Variants in BUB1B observed in about 807,000 individuals in gnomAD.
BUB1B encodes the protein BUB1 mitotic checkpoint serine/threonine kinase B, also known as mitotic checkpoint serine/threonine-protein kinase BUB1 beta.
BUB1B carries 86 observed loss-of-function variants against 137.7 expected under a neutral mutation model. The observed-to-expected ratio is 0.62, with a 90% confidence interval of 0.52 to 0.75. BUB1B has a LOEUF of 0.75. BUB1B is among the 30% of genes least tolerant of loss of function. The pLI, the probability that BUB1B is intolerant of heterozygous loss-of-function variation, is 0.00. For missense variants in BUB1B, 1,130 were observed against 1,236.9 expected (o/e 0.91, Z 1.30); for synonymous variants, 420 against 417.9 (o/e 1.00, Z -0.06).
Position 40,206,310 on chromosome 15 carries a change from C to T in BUB1B, c.1861C>T (p.Pro621Ser). ...FARAARFVST[P>S]FHEIMSLKDL... Reference sequence around the variant, plus strand: ...CAGAGCAGCTCGTTTTGTATCCACTCCTTTTCATGAGATAATGTCCTTGAA... The same window carrying T: ...CAGAGCAGCTCGTTTTGTATCCACTTCTTTTCATGAGATAATGTCCTTGAA... The change falls in exon 15 of 23, where the codon CCT becomes TCT. Residue 621 changes from proline (P) to serine (S), a missense_variant. Physicochemically the swap from Pro to Ser is moderately conservative, Grantham distance 74. Transcript: ENST00000287598. 1 of 1,614,184 alleles carries T rather than the reference C, an allele frequency of 6.2e-7. No individual in the cohort carries two copies. Among genetic ancestry groups the T allele is most frequent in the Non-Finnish European group, 8.5e-7 (1 of 1,180,038 alleles).
chr15:40,165,749 G>A (rs1595508263), intron 2 of BUB1B, among the ~76,000 whole-genome samples: 1 of 151,800 alleles, frequency 6.6e-6, no homozygotes, highest in Non-Finnish European at 1.5e-5. Flanking sequence ...CAGAGTATCA[G>A]TTTCTACCTT....
At chr15:40,170,461 C>T in intron 3 of BUB1B, 76 bp from the exon 4 acceptor site, 1 of 1,540,310 alleles carries the variant, frequency 6.5e-7, no homozygotes, top group Non-Finnish European at 9.0e-7. Context: ...TGCTAAAATC[C>T]AGAATGGGTC....
At chr15:40,213,962 C>T (rs992314211) in intron 20 of BUB1B, among the ~76,000 whole-genome samples, 1 of 152,080 alleles carries the variant, frequency 6.6e-6, no homozygotes, top group Non-Finnish European at 1.5e-5. Context: ...GAAATAAACA[C>T]ATTGAGGAAA....
At chr15:40,218,934 C>T (rs374122565) in intron 22 of BUB1B, among the ~76,000 whole-genome samples, 4 of 152,134 alleles carry the variant, frequency 2.6e-5, no homozygotes, top group Admixed American at 6.5e-5. Context: ...TTTTTTGAGA[C>T]GGAGTCTCGC....
Position 40,170,621 on chromosome 15 carries a change from A to G in BUB1B, c.324A>G (p.Ala108=), listed in dbSNP as rs1172945685. Residue 108 remains alanine, a synonymous_variant, in exon 4 of 23, where the codon GCA becomes GCG. Transcript: ENST00000287598. The part of the protein sequence containing the change: ...MSTLLERAVE[A]LQGEKRYYSD... ...CGTTATTAGAAAGAGCTGTAGAAGC[A>G]CTACAAGGAGAAAAACGATATTATA... 2 of 1,613,432 alleles carry G rather than the reference A, an allele frequency of 1.2e-6. No homozygotes were observed. The highest frequency in any genetic ancestry group is 1.7e-6 in the Non-Finnish European group (2 of 1,179,398).
intron 22 of BUB1B, 121 bp downstream of exon 22, chr15:40,218,683 C>T (rs1320287091): frequency 6.5e-6 from 5 of 770,676 alleles, no homozygotes. Flanking sequence ...CCAGTAGTTT[C>T]AGCCAGTTTT....
intron 5 of BUB1B, among the ~76,000 whole-genome samples, chr15:40,180,258 T>C (rs905439796): frequency 7.0e-6 from 1 of 142,826 alleles, no homozygotes; most frequent in Non-Finnish European, 1.5e-5. Context: ...TTTCTTTTTT[T>C]TTTTTTTTTT....
Position 40,212,642 on chromosome 15 carries a change from C to T in BUB1B, c.2529C>T (p.Thr843=). 1 of 1,612,930 alleles carries T rather than the reference C, an allele frequency of 6.2e-7. No homozygotes were observed. The highest frequency in any genetic ancestry group is 8.5e-7 in the Non-Finnish European group (1 of 1,179,590). ...IVWHQYINCF[T]LQDLLQHSEY... ...GGCACCAATATATAAACTGCTTCAC[C>T]CTTCAGGTCTGTAATACTAAAAACA... The change falls in exon 19 of 23, where the codon ACC becomes ACT. Residue 843 remains threonine, a synonymous_variant. Coordinates refer to ENST00000287598, the MANE Select transcript of BUB1B (RefSeq NM_001211.6).
At chr15:40,215,758 G>C (rs1179332017) in intron 20 of BUB1B, among the ~76,000 whole-genome samples, 3 of 151,950 alleles carry the variant, frequency 2.0e-5, no homozygotes, top group African/African-American at 7.3e-5. Context: ...GACAGAGCGA[G>C]ACTCCATCTC....
Position 40,221,030 on chromosome 15 carries a change from CTACTTTTCCCTG to C in BUB1B, c.*282_*293del, listed in dbSNP as rs1336200145. On this transcript the variant is annotated 3_prime_UTR_variant, in exon 23 of 23. Coordinates refer to ENST00000287598, the MANE Select transcript of BUB1B (RefSeq NM_001211.6). The stretch of plus-strand genomic sequence containing the variant: ...ACCTTGTTATTTAACCCATTTGTCT[CTACTTTTCCCTG>C]TACTTTTCCCATTTGTAATTTGTAA... 3.1e-5 allele frequency: 15 copies of C among 476,612 alleles called. No individual in the cohort carries two copies. The highest frequency in any genetic ancestry group is 1.1e-4 in the East Asian group (3 of 28,002). 29.5% of individuals were successfully genotyped at this position (476,612 alleles called of 1,614,324 possible).
At chr15:40,208,007 C>T (rs1320635830) in intron 15 of BUB1B, among the ~76,000 whole-genome samples, 1 of 150,568 alleles carries the variant, frequency 6.6e-6, no homozygotes, top group Non-Finnish European at 1.5e-5. Context: ...AACCTTTCAG[C>T]TACTTGGGAG....
At chr15:40,176,906 A>G (rs981149207) in intron 5 of BUB1B, among the ~76,000 whole-genome samples, 9 of 152,166 alleles carry the variant, frequency 5.9e-5, no homozygotes, top group Non-Finnish European at 1.2e-4. Flanking sequence ...TTAACAAGAT[A>G]CAGAATAATT....
chr15:40,194,213 T>A (rs1262814653), intron 8 of BUB1B, among the ~76,000 whole-genome samples: 3 of 152,248 alleles, frequency 2.0e-5, no homozygotes, highest in African/African-American at 7.2e-5. Context: ...GTTGATTTTG[T>A]ATACTGATCT....
chr15:40,213,873 A>G (rs1200799038), intron 20 of BUB1B, among the ~76,000 whole-genome samples: 1 of 152,210 alleles, frequency 6.6e-6, no homozygotes, highest in Non-Finnish European at 1.5e-5. Flanking sequence ...GATAAATGCC[A>G]TATCGAGGAA....
At chr15:40,201,728 G>A (rs536592630) in intron 12 of BUB1B, among the ~76,000 whole-genome samples, 14 of 152,084 alleles carry the variant, frequency 9.2e-5, no homozygotes, top group Admixed American at 2.0e-4. Flanking sequence ...GTGCGGTGGC[G>A]CGATCTCAGC....
At chr15:40,186,603 C>T (rs1421762062) in intron 8 of BUB1B, among the ~76,000 whole-genome samples, 2 of 151,384 alleles carry the variant, frequency 1.3e-5, no homozygotes, top group Non-Finnish European at 2.9e-5. Flanking sequence ...TGCCACCACG[C>T]CCAGCTAATT....
intron 15 of BUB1B, among the ~76,000 whole-genome samples, chr15:40,208,427 A>G (rs1051442261): frequency 6.6e-6 from 1 of 152,048 alleles, no homozygotes; most frequent in African/African-American, 2.4e-5. Flanking sequence ...AATCCCAGCT[A>G]CTCAGGAGGC....
Position 40,205,971 on chromosome 15 carries a change from T to C in BUB1B, c.1735-213T>C, listed in dbSNP as rs28565228. Among the ~76,000 whole-genome samples, 8,407 of 152,204 alleles carry C rather than the reference T, an allele frequency of 0.055. 764 individuals carry two copies. Among genetic ancestry groups the C allele is most frequent in the African/African-American group, 0.19 (7,906 of 41,482 alleles). ...GTTGAGGAACAAAACCATTGCCCAA[T>C]ATTTTTCTTTGTATGGAGAATCTTC... On this transcript the variant is annotated intron_variant, in intron 14 of 22. Transcript: ENST00000287598.
chr15:40,194,539 T>A (rs1019722621), intron 8 of BUB1B, among the ~76,000 whole-genome samples: 3 of 152,212 alleles, frequency 2.0e-5, no homozygotes, highest in African/African-American at 7.2e-5. Flanking sequence ...GCTTGGACCC[T>A]ACCATTACAG....
Sources: allele counts gnomAD v4.1 joint callset (sites outside exome capture counted in the v4.1 genomes callset), GRCh38; gene constraint gnomAD v4.1.1; transcripts MANE v1.5; gene names NCBI Gene and HGNC (gene_info 2026-07-23, HGNC 2026-07-21).